Variants in TYR observed in about 807,000 individuals in gnomAD.
TYR encodes the protein LB24-AB.
TYR carries 58 observed loss-of-function variants against 51.5 expected under a neutral mutation model. The observed-to-expected ratio is 1.13, with a 90% CI of 0.91 to 1.40. The LOEUF (loss-of-function observed/expected upper bound fraction) is 1.40. TYR is among the 40% of genes most tolerant of loss of function. The pLI, the probability that TYR is intolerant of heterozygous loss-of-function variation, is 0.00. For missense variants in TYR, 732 were observed against 647.4 expected (o/e 1.13, Z -1.42); for synonymous variants, 263 against 235.2 (o/e 1.12, Z -1.08).
chr11:89,193,485 T>C (rs937881407), intron 2 of TYR, among the ~76,000 whole-genome samples: 4 of 152,146 alleles, frequency 2.6e-5, no homozygotes, highest in African/African-American at 9.7e-5. Flanking sequence ...CATAATTTAT[T>C]CTCATTCTTA....
In TYR at chr11:89,178,082, G is replaced by A. The variant is rs377546778; in HGVS notation, c.129G>A (p.Arg43=). The change falls in exon 1 of 5, where the codon AGG becomes AGA. Residue 43 remains arginine (R), a synonymous_variant. Transcript: ENST00000263321. The part of the protein sequence containing the change: ...KECCPPWSGD[R]SPCGQLSGRG... ...GCTGTCCACCGTGGAGCGGGGACAGGAGTCCCTGTGGCCAGCTTTCAGGCA... is the reference window on the plus strand; with the variant it reads ...GCTGTCCACCGTGGAGCGGGGACAGAAGTCCCTGTGGCCAGCTTTCAGGCA... The A allele has an allele frequency of 1.4e-4, 227 of 1,614,178 alleles. No homozygotes were observed. The highest frequency in any genetic ancestry group is 1.9e-4 in the Non-Finnish European group (220 of 1,180,026).
At chr11:89,275,671 C>T (rs1247350344) in intron 3 of TYR, among the ~76,000 whole-genome samples, 2 of 151,784 alleles carry the variant, frequency 1.3e-5, no homozygotes, top group Admixed American at 6.6e-5. Context: ...CTCAGATTCT[C>T]TAGCACAGCC....
chr11:89,260,148 G>A (rs886973450), intron 3 of TYR, among the ~76,000 whole-genome samples: 9 of 151,580 alleles, frequency 5.9e-5, no homozygotes, highest in African/African-American at 1.9e-4. Context: ...AGGCAAGGAC[G>A]TGTGCAGTAG....
chr11:89,280,685 T>A (rs561910737), intron 3 of TYR, among the ~76,000 whole-genome samples: 3 of 151,638 alleles, frequency 2.0e-5, no homozygotes, highest in Non-Finnish European at 3.0e-5. Flanking sequence ...ATGATTCTAA[T>A]GATTGCTTTA....
At chr11:89,290,505 T>G (rs1235472725) in intron 4 of TYR, among the ~76,000 whole-genome samples, 1 of 152,084 alleles carries the variant, frequency 6.6e-6, no homozygotes, top group Non-Finnish European at 1.5e-5. Context: ...AAATGTACTA[T>G]GTATTGAAGC....
chr11:89,193,799 T>C (rs78563361), intron 2 of TYR, among the ~76,000 whole-genome samples: 1 of 152,162 alleles, frequency 6.6e-6, no homozygotes, highest in Non-Finnish European at 1.5e-5. Flanking sequence ...TACAGAGATG[T>C]TGTGAAAATA....
chr11:89,195,401 G>A (rs551710907), intron 2 of TYR, among the ~76,000 whole-genome samples: 7 of 152,174 alleles, frequency 4.6e-5, no homozygotes, highest in South Asian at 2.1e-4. Flanking sequence ...CCACATGGCC[G>A]GGTGTGGTGG....
At chr11:89,205,648 A>G (rs1463297494) in intron 2 of TYR, among the ~76,000 whole-genome samples, 1 of 152,140 alleles carries the variant, frequency 6.6e-6, no homozygotes, top group Non-Finnish European at 1.5e-5. Flanking sequence ...GAAAATACTC[A>G]GGAATGAAGG....
At position 89,198,118 on chromosome 11, in the gene TYR, T is replaced by G. The variant is rs143287147; in HGVS notation, c.1036+6700T>G. 5.6e-3 allele frequency among the ~76,000 whole-genome samples: 856 copies of G among 152,194 alleles called. 5 individuals are homozygous for G. The highest frequency in any genetic ancestry group is 0.015 in the African/African-American group (615 of 41,554). ...ATTTAAACAAGAATAGTGTGTGTAT[T>G]TGCAGAGAAAAGCCAGCTGGAAAAC... On this transcript the variant is annotated intron_variant, in intron 2 of 4. Coordinates refer to ENST00000263321, the MANE Select transcript of TYR (RefSeq NM_000372.5).
chr11:89,187,220 A>C (rs1194641444), intron 1 of TYR, among the ~76,000 whole-genome samples: 1 of 152,126 alleles, frequency 6.6e-6, no homozygotes, highest in Non-Finnish European at 1.5e-5. Context: ...CAAGGCCTCA[A>C]CATTTATCTG....
At chr11:89,250,806 C>T (rs75499281) in intron 3 of TYR, among the ~76,000 whole-genome samples, 2,987 of 151,902 alleles carry the variant, frequency 0.02, 119 homozygotes, top group African/African-American at 0.069. Flanking sequence ...TTCTGAGGTA[C>T]TTGGGATTAG....
rs1247126748 is a variant in TYR, at chr11:89,284,206, A to G, written c.1185-567A>G. On this transcript the variant is annotated intron_variant, in intron 3 of 4. Coordinates refer to ENST00000263321, the MANE Select transcript of TYR (RefSeq NM_000372.5). ...TTGGCAGAATATTTATCATATGGTC[A>G]TACTCTAACTTTAGAAAAAGCCGAG... is the stretch of plus-strand genomic sequence containing the variant. Among the ~76,000 whole-genome samples the G allele has an allele frequency of 6.6e-5, 10 of 151,926 alleles. No individual in the cohort carries two copies. The East Asian group carries it at 1.6e-3, about 24-fold the overall frequency.
At chr11:89,251,137 A>G (rs1490746859) in intron 3 of TYR, among the ~76,000 whole-genome samples, 3 of 152,106 alleles carry the variant, frequency 2.0e-5, no homozygotes, top group East Asian at 3.9e-4. Context: ...ACTATAAAAC[A>G]TATGGGTTTA....
chr11:89,279,934 A>G (rs1944701676), intron 3 of TYR, among the ~76,000 whole-genome samples: 1 of 151,722 alleles, frequency 6.6e-6, no homozygotes. Context: ...TTTACATGAT[A>G]GATTCATATA....
chr11:89,246,564 G>T (rs1944270518), intron 3 of TYR, among the ~76,000 whole-genome samples: 1 of 152,060 alleles, frequency 6.6e-6, no homozygotes, highest in African/African-American at 2.4e-5. Context: ...ATCTAGTTTA[G>T]GTGCAAACCT....
chr11:89,242,295 C>T (rs1944207942), intron 3 of TYR, among the ~76,000 whole-genome samples: 1 of 152,114 alleles, frequency 6.6e-6, no homozygotes, highest in African/African-American at 2.4e-5. Context: ...GCAAACTCCA[C>T]CTCCCGGGTT....
chr11:89,257,958 A>C (rs1565415036), intron 3 of TYR, among the ~76,000 whole-genome samples: 3 of 152,062 alleles, frequency 2.0e-5, no homozygotes, highest in Non-Finnish European at 2.9e-5. Context: ...GCAACACCCC[A>C]AAAGTATCTT....
At chr11:89,204,824 TAA>T (rs768437651) in intron 2 of TYR, among the ~76,000 whole-genome samples, 41 of 139,860 alleles carry the variant, frequency 2.9e-4, no homozygotes, top group Admixed American at 2.2e-4. Flanking sequence ...ATCCTTGAAT[TAA>T]AAAAAAAAAA....
At position 89,212,877 on chromosome 11, in the gene TYR, C is replaced by A. The variant is rs543166403; in HGVS notation, c.1037-14946C>A. ...CCATAGATGCAGAAAAGGCCTTCAA[C>A]AAAATTCAACAGCTTTTCATGCTAA... On this transcript the variant is annotated intron_variant, in intron 2 of 4. Transcript: ENST00000263321. Among the ~76,000 whole-genome samples the A allele has an allele frequency of 5.9e-5, 9 of 152,248 alleles. No homozygotes were observed. In the South Asian group the frequency reaches 1.7e-3, roughly 28 times the overall value.
Sources: gnomAD v4.1 joint callset for allele counts (sites outside exome capture counted in the v4.1 genomes callset) on GRCh38, gnomAD v4.1.1 for gene constraint, MANE v1.5 for transcripts, NCBI Gene and HGNC (gene_info 2026-07-23, HGNC 2026-07-21) for gene names.